ODAD2: variants seen among roughly 807,000 people sequenced by gnomAD.
ODAD2 encodes outer dynein arm docking complex subunit 2.
In ODAD2, 89 loss-of-function variants were observed where a neutral mutation model predicts 106.8. That is an observed-to-expected ratio of 0.83 (90% CI 0.70 to 0.99). ODAD2 has a LOEUF of 0.99. Ranked by LOEUF, ODAD2 falls within the 50% of genes least tolerant of loss-of-function variation. The probability of loss-of-function intolerance (pLI) is 0.00; values close to 1 mark genes in which losing one functional copy is unlikely to be tolerated. For synonymous variants in ODAD2, 404 were observed against 436.2 expected (o/e 0.93, Z 0.92); for missense variants, 1,168 against 1,238.5 (o/e 0.94, Z 0.85).
chr10:27,840,869 G>T (rs1479377325), intron 19 of ODAD2, among the ~76,000 whole-genome samples: 1 of 152,212 alleles, frequency 6.6e-6, no homozygotes, highest in Non-Finnish European at 1.5e-5. Flanking sequence ...AGCAGATCCT[G>T]CATTGCATCT....
At chr10:27,830,451 TGATA>T (rs2132986734) in intron 19 of ODAD2, among the ~76,000 whole-genome samples, 1 of 152,360 alleles carries the variant, frequency 6.6e-6, no homozygotes, top group Admixed American at 6.5e-5. Flanking sequence ...TTTATGTGGC[TGATA>T]GATAGCCTTG....
At chr10:27,861,059 T>C (rs1273981923) in intron 18 of ODAD2, among the ~76,000 whole-genome samples, 1 of 152,174 alleles carries the variant, frequency 6.6e-6, no homozygotes, top group African/African-American at 2.4e-5. Context: ...TGGTGCCATC[T>C]CAGCTCACTG....
Position 27,935,086 on chromosome 10 carries a change from C to A in ODAD2, c.2419G>T (p.Val807Phe), listed in dbSNP as rs1257095854. ...ACAAGAAGAGCTTGGTTTATTCCAA[C>A]AAGGAGGTTCACAAGTGGTTGAATG... ...GGIQPLVNLL[V>F]GINQALLVNV... Residue 807 changes from valine to phenylalanine, a missense_variant, in exon 16 of 20, where the codon GTT becomes TTT. Transcript: ENST00000305242. The A allele has an allele frequency of 1.2e-6, 2 of 1,613,974 alleles. No homozygotes were observed. The highest frequency in any genetic ancestry group is 1.6e-4 in the Middle Eastern group (1 of 6,062).
At chr10:27,962,887 T>C (rs1848232188) in intron 9 of ODAD2, among the ~76,000 whole-genome samples, 2 of 152,192 alleles carry the variant, frequency 1.3e-5, no homozygotes, top group South Asian at 4.1e-4. Flanking sequence ...ATATTTATCC[T>C]GATATTGTTT....
At chr10:27,852,866 C>G (rs1030899566) in intron 19 of ODAD2, among the ~76,000 whole-genome samples, 6 of 148,446 alleles carry the variant, frequency 4.0e-5, no homozygotes, top group African/African-American at 1.5e-4. Context: ...GAGGCTGAGG[C>G]AGGAGAATCG....
At chr10:27,978,966 T>C (rs1447663059) in intron 7 of ODAD2, among the ~76,000 whole-genome samples, 1 of 151,860 alleles carries the variant, frequency 6.6e-6, no homozygotes, top group African/African-American at 2.4e-5. Context: ...TCCCAGCACT[T>C]TGGGAGGCCG....
At position 27,994,858 on chromosome 10, in the gene ODAD2, C is replaced by A. The variant is rs1210483547; in HGVS notation, c.224+61G>T. ...AGGTGACTTGCCCCCAAACCTAGAA[C>A]CAATTGATAATACTATGTACAACGA... On this transcript the variant is annotated intron_variant, in intron 2 of 19. Coordinates refer to ENST00000305242, the MANE Select transcript of ODAD2 (RefSeq NM_018076.5). 1.9e-6 allele frequency: 3 copies of A among 1,565,684 alleles called. No individual in the cohort carries two copies. In the African/African-American group the frequency reaches 4.1e-5, roughly 21 times the overall value.
intron 19 of ODAD2, among the ~76,000 whole-genome samples, chr10:27,845,090 G>A (rs898250045): frequency 2.6e-5 from 4 of 151,980 alleles, no homozygotes; most frequent in Middle Eastern, 3.4e-3. Context: ...CTCGAAAAGA[G>A]CAACTCCAAG....
At position 27,828,001 on chromosome 10, in the gene ODAD2, G is replaced by A. The variant is rs1192338324; in HGVS notation, c.3022-15376C>T. Among the ~76,000 whole-genome samples, 3 of 152,194 alleles carry A rather than the reference G, an allele frequency of 2.0e-5. No individual in the cohort carries two copies. In the East Asian group the frequency reaches 5.8e-4, roughly 29 times the overall value. On this transcript the variant is annotated intron_variant, in intron 19 of 19. Coordinates refer to ENST00000305242, the MANE Select transcript of ODAD2 (RefSeq NM_018076.5). ...AGATAAGGAGTCATCAGAGAGGAAG[G>A]GGAGAACCAGGAGGCCATGAAATCA...
At chr10:27,873,857 A>G (rs1453574066) in intron 17 of ODAD2, among the ~76,000 whole-genome samples, 4 of 152,308 alleles carry the variant, frequency 2.6e-5, no homozygotes, top group South Asian at 2.1e-4. Flanking sequence ...AGAGTTCTGT[A>G]GGTGTCTATT....
intron 17 of ODAD2, among the ~76,000 whole-genome samples, chr10:27,903,642 C>T (rs536658114): frequency 1.3e-5 from 2 of 152,096 alleles, no homozygotes; most frequent in African/African-American, 2.4e-5. Flanking sequence ...ATAAGCATTC[C>T]TATACACCAA....
intron 17 of ODAD2, among the ~76,000 whole-genome samples, chr10:27,876,572 C>A (rs1381489919): frequency 2.6e-5 from 4 of 152,316 alleles, no homozygotes; most frequent in Middle Eastern, 3.4e-3. Flanking sequence ...CTTAGCCCTG[C>A]AAACTCTAAC....
chr10:27,874,687 C>T (rs1841183901), intron 17 of ODAD2, among the ~76,000 whole-genome samples: 1 of 152,208 alleles, frequency 6.6e-6, no homozygotes, highest in Admixed American at 6.5e-5. Context: ...TTGGCCTCCA[C>T]TCCCTTTTGT....
At chr10:27,984,805 T>C (rs1455964277) in intron 4 of ODAD2, among the ~76,000 whole-genome samples, 3 of 152,188 alleles carry the variant, frequency 2.0e-5, no homozygotes, top group Non-Finnish European at 4.4e-5. Context: ...TTCCATACTT[T>C]ACTTTTCTTG....
intron 2 of ODAD2, among the ~76,000 whole-genome samples, chr10:27,994,027 T>G (rs1040586829): frequency 2.6e-5 from 4 of 151,418 alleles, no homozygotes; most frequent in African/African-American, 9.7e-5. Flanking sequence ...AGCTTACTTA[T>G]TGTATAATTA....
At chr10:27,853,003 C>T (rs1839389619) in intron 19 of ODAD2, among the ~76,000 whole-genome samples, 1 of 149,590 alleles carries the variant, frequency 6.7e-6, no homozygotes. Flanking sequence ...GTGTCAATAT[C>T]ACATTAAATG....
chr10:27,899,694 C>G (rs1053725505), intron 17 of ODAD2, among the ~76,000 whole-genome samples: 2 of 152,168 alleles, frequency 1.3e-5, no homozygotes, highest in South Asian at 4.1e-4. Context: ...AACAAAGCCT[C>G]CAGGAAGTTC....
At chr10:27,952,856 G>A (rs1048268943) in intron 10 of ODAD2, among the ~76,000 whole-genome samples, 1 of 151,984 alleles carries the variant, frequency 6.6e-6, no homozygotes, top group Non-Finnish European at 1.5e-5. Flanking sequence ...AAGGAGCTAT[G>A]AAACTTTTTT....
intron 17 of ODAD2, among the ~76,000 whole-genome samples, chr10:27,863,474 TG>T (rs1368346047): frequency 6.6e-6 from 1 of 152,200 alleles, no homozygotes; most frequent in African/African-American, 2.4e-5. Flanking sequence ...TGTCCAAGAA[TG>T]ACCATATTGA....
Sources: allele counts gnomAD v4.1 joint callset (sites outside exome capture counted in the v4.1 genomes callset), GRCh38; gene constraint gnomAD v4.1.1; transcripts MANE v1.5; gene names NCBI Gene and HGNC (gene_info 2026-07-23, HGNC 2026-07-21).